Variants in LMO7 observed in about 807,000 individuals in gnomAD.
LMO7 encodes the protein LIM domain 7.
LMO7 carries 120 observed loss-of-function variants against 206.5 expected under a neutral mutation model. That is an observed-to-expected ratio of 0.58 (90% confidence interval 0.50 to 0.68). The LOEUF is 0.68. LMO7 is among the 30% of genes least tolerant of loss of function. The pLI is 0.00. For synonymous variants in LMO7, 706 were observed against 681.5 expected (o/e 1.04, Z -0.56); for missense variants, 1,959 against 1,957.9 (o/e 1.00, Z -0.01).
intron 1 of LMO7, among the ~76,000 whole-genome samples, chr13:75,704,142 C>T (rs548041264): frequency 5.9e-5 from 9 of 152,280 alleles, no homozygotes; most frequent in African/African-American, 2.2e-4. Flanking sequence ...CATCCAGCTC[C>T]TCCTGTATAC....
intron 21 of LMO7, 49 bp downstream of exon 21, chr13:75,840,159 T>C: frequency 6.4e-7 from 1 of 1,551,174 alleles, no homozygotes; most frequent in Admixed American, 1.7e-5. Context: ...TTGGTGGGAC[T>C]GAATTAGTAC....
In LMO7 at chr13:75,653,837, A is replaced by G. The variant is rs913543841; in HGVS notation, c.69+17111A>G. Among the ~76,000 whole-genome samples, 6 of 152,354 alleles carry G rather than the reference A, an allele frequency of 3.9e-5. No homozygotes were observed. The East Asian group carries it at 1.2e-3, about 29-fold the overall frequency. The stretch of plus-strand genomic sequence containing the variant: ...GTCAACAGATAATTCACAACTTGCC[A>G]TCATGAATATTAGAGATGTTTTTAT... On this transcript the variant is annotated intron_variant, in intron 1 of 30. Transcript: ENST00000377534.
At chr13:75,847,531 T>C (rs889466980) in intron 26 of LMO7, among the ~76,000 whole-genome samples, 3 of 152,230 alleles carry the variant, frequency 2.0e-5, no homozygotes, top group African/African-American at 7.2e-5. Flanking sequence ...TTGTCACTTA[T>C]ACCATGCACA....
intron 4 of LMO7, among the ~76,000 whole-genome samples, chr13:75,764,106 C>A (rs531457385): frequency 1.7e-4 from 26 of 152,102 alleles, no homozygotes; most frequent in African/African-American, 6.3e-4. Flanking sequence ...TATTTAGGGA[C>A]TACATGTATT....
intron 1 of LMO7, among the ~76,000 whole-genome samples, chr13:75,703,158 C>T (rs554564326): frequency 1.3e-5 from 2 of 152,168 alleles, no homozygotes; most frequent in Non-Finnish European, 2.9e-5. Context: ...CTCATCCCCC[C>T]CAACACACAC....
At chr13:75,801,586 A>G (rs1466135683) in intron 7 of LMO7, among the ~76,000 whole-genome samples, 1 of 152,192 alleles carries the variant, frequency 6.6e-6, no homozygotes, top group Non-Finnish European at 1.5e-5. Flanking sequence ...ATTTCAATGC[A>G]CATCTTATTC....
chr13:75,737,785 A>T (rs2046008259), intron 3 of LMO7, among the ~76,000 whole-genome samples: 1 of 96,930 alleles, frequency 1.0e-5, no homozygotes, highest in African/African-American at 3.2e-5. Context: ...AATAAAATAA[A>T]AAAAAAAAAA....
At chr13:75,695,214 G>C (rs2041811821) in intron 1 of LMO7, among the ~76,000 whole-genome samples, 1 of 152,176 alleles carries the variant, frequency 6.6e-6, no homozygotes, top group African/African-American at 2.4e-5. Flanking sequence ...GAGCTTCTTG[G>C]TTGTACCTTC....
At chr13:75,809,026 A>T in intron 10 of LMO7, 128 bp from the exon 11 acceptor site, 1 of 736,324 alleles carries the variant, frequency 1.4e-6, no homozygotes, top group Non-Finnish European at 2.4e-6. Flanking sequence ...CAAGAATGTG[A>T]TGGAAGAAGT....
chr13:75,655,643 AT>A (rs2037994205), intron 1 of LMO7, among the ~76,000 whole-genome samples: 2 of 710 alleles, frequency 2.8e-3, no homozygotes, highest in African/African-American at 3.0e-3. Context: ...GATTTTATAT[AT>A]ATATATATAT....
chr13:75,711,760 A>G (rs2043147748), intron 1 of LMO7, among the ~76,000 whole-genome samples: 1 of 152,048 alleles, frequency 6.6e-6, no homozygotes, highest in Non-Finnish European at 1.5e-5. Context: ...TCCACCCCCT[A>G]CATTTTTCTT....
At chr13:75,667,460 T>G (rs1405721369) in intron 1 of LMO7, among the ~76,000 whole-genome samples, 1 of 152,164 alleles carries the variant, frequency 6.6e-6, no homozygotes, top group African/African-American at 2.4e-5. Flanking sequence ...TCTCTTATCT[T>G]TCTGTTCATT....
intron 15 of LMO7, among the ~76,000 whole-genome samples, chr13:75,824,468 G>A (rs1438028690): frequency 6.6e-6 from 1 of 152,066 alleles, no homozygotes; most frequent in African/African-American, 2.4e-5. Context: ...CACAACATTT[G>A]GAGTCCAAAC....
intron 1 of LMO7, among the ~76,000 whole-genome samples, chr13:75,650,238 T>C (rs1336088553): frequency 2.6e-5 from 4 of 152,302 alleles, no homozygotes; most frequent in South Asian, 2.1e-4. Context: ...CAAGCGATTC[T>C]CCTGCCTCAG....
chr13:75,741,916 A>C (rs1189906160), intron 3 of LMO7, among the ~76,000 whole-genome samples: 5 of 152,218 alleles, frequency 3.3e-5, no homozygotes, highest in Non-Finnish European at 7.3e-5. Context: ...GCATCCAAAT[A>C]GAAAGAGAGG....
chr13:75,699,886 C>A lies in LMO7; in HGVS notation c.70-13296C>A, dbSNP rs2042162673. 2.0e-5 allele frequency among the ~76,000 whole-genome samples: 3 copies of A among 152,192 alleles called. No homozygotes were observed. In the South Asian group the frequency reaches 6.2e-4, roughly 32 times the overall value. ...CAAGCCTGGGGGCGCTGCAGGAGACCAGGGCGTATTTTATCCCTTATCTTC... is the reference window on the plus strand; with the variant it reads ...CAAGCCTGGGGGCGCTGCAGGAGACAAGGGCGTATTTTATCCCTTATCTTC... On this transcript the variant is annotated intron_variant, in intron 1 of 30. Coordinates refer to ENST00000377534, the MANE Select transcript of LMO7 (RefSeq NM_001306080.2).
intron 1 of LMO7, among the ~76,000 whole-genome samples, chr13:75,681,706 G>GTGTACA (rs1259746833): frequency 1.1e-5 from 1 of 93,328 alleles, no homozygotes; most frequent in Non-Finnish European, 2.2e-5. Flanking sequence ...GTATGTATGT[G>GTGTACA]TATATATATA....
chr13:75,636,850 C>A (rs2035933228), intron 1 of LMO7, 124 bp downstream of exon 1: 1 of 950,390 alleles, frequency 1.1e-6, no homozygotes, highest in Non-Finnish European at 1.6e-6. Flanking sequence ...CCGACGTGAA[C>A]AAGCTGGTTT....
chr13:75,819,283 T>C (rs2057351251), intron 12 of LMO7, 110 bp from the exon 13 acceptor site: 3 of 1,290,402 alleles, frequency 2.3e-6, no homozygotes, highest in Admixed American at 2.7e-5. Flanking sequence ...TGGCATCCAG[T>C]TGGAGTGAAT....
Sources: allele counts gnomAD v4.1 joint callset (sites outside exome capture counted in the v4.1 genomes callset), GRCh38; gene constraint gnomAD v4.1.1; transcripts MANE v1.5; gene names NCBI Gene and HGNC (gene_info 2026-07-23, HGNC 2026-07-21).